Variants in TSBP1 observed in about 807,000 individuals in gnomAD.
TSBP1 encodes testis expressed basic protein 1.
TSBP1 carries 56 observed loss-of-function variants against 68.8 expected under a neutral mutation model. That is an observed-to-expected ratio of 0.81 (90% CI 0.66 to 1.02). The LOEUF (loss-of-function observed/expected upper bound fraction) is 1.02, where lower values mean the gene tolerates loss of function less well. Among genes scored for constraint, TSBP1 ranks in the 50% least tolerant of loss-of-function variants. TSBP1 has a pLI of 0.00. For missense variants in TSBP1, 502 were observed against 641.2 expected, an observed-to-expected ratio of 0.78 and a Z score of 2.34; for synonymous variants, 171 against 208.7, an observed-to-expected ratio of 0.82 and a Z score of 1.56.
At chr6:32,369,527 T>G (rs28986322) in intron 2 of TSBP1, among the ~76,000 whole-genome samples, 9,610 of 152,128 alleles carry the variant, frequency 0.063, 411 homozygotes, top group Middle Eastern at 0.17. Context: ...CCTGCCACCA[T>G]GCCCAGCTAA....
chr6:32,336,522 A>G lies in TSBP1; in HGVS notation c.430+93T>C. On this transcript the variant is annotated intron_variant, in intron 12 of 22. Coordinates refer to ENST00000612031, the Ensembl canonical transcript of TSBP1. The surrounding 1 kb of genome is among the most constrained non-coding windows in gnomAD (Gnocchi z 5.2). ...ACCGGAATCTAAAATAAAAGTTGAA[A>G]TTATTTTTAAAAATGCAGGGCAGAT... 2.8e-6 allele frequency: 3 copies of G among 1,072,422 alleles called. No homozygotes were observed. Among genetic ancestry groups the G allele is most frequent in the African/African-American group, 1.6e-5 (1 of 62,730 alleles). 66.4% of individuals were successfully genotyped at this position (1,072,422 alleles called of 1,614,324 possible).
exon 23 of TSBP1, chr6:32,293,887 A>G (rs1200824727): frequency 6.2e-7 from 1 of 1,612,962 alleles, no homozygotes; most frequent in Admixed American, 1.7e-5. Context: ...AGGATTCTAC[A>G]GAATTCGTAA....
intron 9 of TSBP1, among the ~76,000 whole-genome samples, chr6:32,344,690 A>AT (rs1466091693): frequency 2.6e-5 from 4 of 151,958 alleles, no homozygotes; most frequent in Non-Finnish European, 5.9e-5. Context: ...CTGTAGTGTG[A>AT]TTTTTTCATG....
chr6:32,303,394 T>C (rs1765491256), intron 19 of TSBP1, among the ~76,000 whole-genome samples: 2 of 152,212 alleles, frequency 1.3e-5, no homozygotes, highest in South Asian at 4.1e-4. Context: ...TCTTGATGCA[T>C]TGATATTTTT....
intron 18 of TSBP1, 29 bp downstream of exon 20, chr6:32,322,457 T>A (rs1363017361): frequency 6.4e-7 from 1 of 1,567,068 alleles, no homozygotes; most frequent in Admixed American, 1.7e-5. Context: ...AGTCCCCACA[T>A]ATGACCAGCT....
At chr6:32,301,518 C>G (rs1258551342) in intron 20 of TSBP1, among the ~76,000 whole-genome samples, 1 of 150,688 alleles carries the variant, frequency 6.6e-6, no homozygotes, top group East Asian at 2.0e-4. Flanking sequence ...AGTTCAAGAC[C>G]AGCCTGGGCA....
At chr6:32,347,426 T>A (rs558842007) in intron 9 of TSBP1, among the ~76,000 whole-genome samples, 1 of 152,328 alleles carries the variant, frequency 6.6e-6, no homozygotes, top group African/African-American at 2.4e-5. Context: ...CATACCCATA[T>A]ACATGCCTGA....
Position 32,315,681 on chromosome 6 carries a change from G to C in TSBP1, c.580+91C>G. Reference sequence around the variant, plus strand: ...GTAATGTAGAAGCAAATGAATATGAGAAATATGAGTCTCAATCTTTTGGAT... The same window carrying C: ...GTAATGTAGAAGCAAATGAATATGACAAATATGAGTCTCAATCTTTTGGAT... On this transcript the variant is annotated intron_variant, in intron 19 of 22. Coordinates refer to ENST00000612031, the Ensembl canonical transcript of TSBP1. The surrounding 1 kb of genome is among the most constrained non-coding windows in gnomAD (Gnocchi z 5.4). 1 of 826,462 alleles carries C rather than the reference G, an allele frequency of 1.2e-6. No individual in the cohort carries two copies. Among genetic ancestry groups the C allele is most frequent in the Non-Finnish European group, 1.8e-6 (1 of 553,796 alleles). 51.2% of individuals were successfully genotyped at this position (826,462 alleles called of 1,614,324 possible).
intron 8 of TSBP1, chr6:32,350,078 T>G (rs1364818183): frequency 1.5e-6 from 1 of 646,072 alleles, no homozygotes; most frequent in Non-Finnish European, 2.9e-6. Flanking sequence ...TCTTCTTTCA[T>G]TGGTGATTCT....
intron 17 of TSBP1, chr6:32,323,343 G>A: frequency 1.5e-6 from 1 of 681,040 alleles, no homozygotes; most frequent in Non-Finnish European, 2.7e-6. Context: ...GATTAAATGA[G>A]GTAATGTAAT....
rs1472968267 is a variant in TSBP1, at chr6:32,335,065, G to T, written c.472+372C>A. Among the ~76,000 whole-genome samples, 1 of 152,016 alleles carries T rather than the reference G, an allele frequency of 6.6e-6. No homozygotes were observed. The highest frequency in any genetic ancestry group is 2.4e-5 in the African/African-American group (1 of 41,384). On this transcript the variant is annotated intron_variant, in intron 14 of 22. Coordinates refer to ENST00000612031, the Ensembl canonical transcript of TSBP1. The surrounding 1 kb of genome is among the most constrained non-coding windows in gnomAD (Gnocchi z 5.5). ...AATAAAGAAAGGAAACTTAAAATTT[G>T]CATTATTTTACAAAGTGAAGATAAT...
At position 32,293,977 on chromosome 6, in the gene TSBP1, C is replaced by A. The variant is rs918064003; in HGVS notation, c.696G>T (p.Gln232His). ...TTGCAGTGCCTCCACATTTTAGAATCTGGATTTTGGAACAAGATTTTTTTG... is the reference window on the plus strand; with the variant it reads ...TTGCAGTGCCTCCACATTTTAGAATATGGATTTTGGAACAAGATTTTTTTG... The change falls in exon 23 of 23, where the codon CAG (glutamine) becomes CAT (histidine). Residue 232 changes from glutamine to histidine, a missense_variant. Physicochemically the swap from Gln to His is conservative, Grantham distance 24. Transcript: ENST00000612031. 4 of 1,612,260 alleles carry A rather than the reference C, an allele frequency of 2.5e-6. No individual in the cohort carries two copies. In the East Asian group the frequency reaches 8.9e-5, roughly 36 times the overall value.
At chr6:32,354,576 G>A (rs1772072159) in intron 8 of TSBP1, among the ~76,000 whole-genome samples, 1 of 152,030 alleles carries the variant, frequency 6.6e-6, no homozygotes, top group Non-Finnish European at 1.5e-5. Flanking sequence ...CTACTTCAGG[G>A]TATGTACCCC....
chr6:32,353,941 G>A (rs1480983255), intron 8 of TSBP1, among the ~76,000 whole-genome samples: 1 of 151,910 alleles, frequency 6.6e-6, no homozygotes, highest in African/African-American at 2.4e-5. Context: ...TTGGATTAAA[G>A]TTCTATATGT....
chr6:32,307,340 C>G (rs1765869629), intron 19 of TSBP1, among the ~76,000 whole-genome samples: 1 of 151,938 alleles, frequency 6.6e-6, no homozygotes, highest in Non-Finnish European at 1.5e-5. Context: ...TGGATGTATG[C>G]TTTTTTGTTT....
intron 16 of TSBP1, chr6:32,326,240 T>C (rs504703): frequency 0.32 from 334,833 of 1,030,770 alleles, 62,385 homozygotes; most frequent in Middle Eastern, 0.5. Flanking sequence ...CTACAGGTTA[T>C]AACAGATTTG....
At position 32,325,957 on chromosome 6, in the gene TSBP1, G is replaced by T. The variant is rs1768171761; in HGVS notation, c.515-2343C>A. Reference sequence around the variant, plus strand: ...CAGTGAGGATGGCTATAATGGATTTGGTAATGATGGGAGCAATTTTGGAGG... The same window carrying T: ...CAGTGAGGATGGCTATAATGGATTTTGTAATGATGGGAGCAATTTTGGAGG... On this transcript the variant is annotated intron_variant, in intron 16 of 22. Transcript: ENST00000612031. The surrounding 1 kb of genome is among the most constrained non-coding windows in gnomAD (Gnocchi z 4.4). 3 of 1,557,408 alleles carry T rather than the reference G, an allele frequency of 1.9e-6. No individual in the cohort carries two copies. The highest frequency in any genetic ancestry group is 1.3e-5 in the African/African-American group (1 of 74,258).
chr6:32,371,873 G>A (rs959864867), exon 1 of TSBP1: 14 of 706,824 alleles, frequency 2.0e-5, no homozygotes, highest in Non-Finnish European at 3.2e-5. Flanking sequence ...GAAATTGTGT[G>A]GAGCAGATTG....
In TSBP1 at chr6:32,315,716, T is replaced by C. The variant is rs1583019347; in HGVS notation, c.580+56A>G. 1 of 1,190,226 alleles carries C rather than the reference T, an allele frequency of 8.4e-7. No individual in the cohort carries two copies. The highest frequency in any genetic ancestry group is 2.5e-5 in the East Asian group (1 of 39,234). The allele number at this position is 1,190,226 out of a possible 1,614,324, so 73.7% of individuals were successfully genotyped here. A position where few individuals can be genotyped will look rare whatever the true frequency, so the allele number is the denominator to read the frequency against. On this transcript the variant is annotated intron_variant, in intron 19 of 22. Transcript: ENST00000612031. The surrounding 1 kb of genome is among the most constrained non-coding windows in gnomAD (Gnocchi z 5.4). ...TCTCAATCTTTTGGATACTTAGAAG[T>C]GGAAACATCTAACATAAATCTCCAC...
Sources: allele counts gnomAD v4.1 joint callset (sites outside exome capture counted in the v4.1 genomes callset), GRCh38; gene constraint gnomAD v4.1.1; non-coding constraint Gnocchi (gnomAD v3.1); transcripts MANE v1.5; gene names NCBI Gene and HGNC (gene_info 2026-07-23, HGNC 2026-07-21).